IARS2: variants seen among roughly 807,000 people sequenced by gnomAD.
The protein encoded by IARS2 is isoleucyl-tRNA synthetase 2, mitochondrial, also known as isoleucine--tRNA ligase, mitochondrial.
IARS2 carries 56 observed loss-of-function variants against 126.3 expected under a neutral mutation model. That is an observed-to-expected ratio of 0.44 (90% CI 0.36 to 0.55). The LOEUF (loss-of-function observed/expected upper bound fraction) is 0.55. Ranked by LOEUF, IARS2 falls within the 20% of genes least tolerant of loss-of-function variation. The pLI, the probability that IARS2 is intolerant of heterozygous loss-of-function variation, is 0.00. For missense variants in IARS2, 1,127 were observed against 1,245.9 expected, an observed-to-expected ratio of 0.90 and a Z score of 1.44; for synonymous variants, 407 against 441.1, an observed-to-expected ratio of 0.92 and a Z score of 0.97.
intron 22 of IARS2, 23 bp from the exon 23 acceptor site, chr1:220,147,470 A>G (rs1571867957): frequency 1.2e-6 from 2 of 1,612,208 alleles, no homozygotes; most frequent in Non-Finnish European, 8.5e-7. Context: ...TATCAGAAAT[A>G]CTCTTCATGT....
intron 12 of IARS2, among the ~76,000 whole-genome samples, chr1:220,116,311 T>A (rs538550428): frequency 6.6e-6 from 1 of 152,254 alleles, no homozygotes; most frequent in East Asian, 1.9e-4. Flanking sequence ...GGCCCCTGTT[T>A]TTAATGAGAT....
At chr1:220,140,050 G>A (rs1657454371) in intron 18 of IARS2, 133 bp from the exon 19 acceptor site, 3 of 660,194 alleles carry the variant, frequency 4.5e-6, no homozygotes, top group Non-Finnish European at 8.1e-6. Context: ...ATTCCCAGGA[G>A]TTCTTGCATA....
At chr1:220,124,811 G>T (rs1445544568) in intron 12 of IARS2, among the ~76,000 whole-genome samples, 1 of 152,172 alleles carries the variant, frequency 6.6e-6, no homozygotes, top group East Asian at 1.9e-4. Context: ...AAGGGATGAG[G>T]GTAGGAGGAA....
At chr1:220,106,630 C>CTTTTTT (rs200435156) in intron 9 of IARS2, among the ~76,000 whole-genome samples, 2 of 138,268 alleles carry the variant, frequency 1.4e-5, no homozygotes, top group African/African-American at 2.6e-5. Flanking sequence ...CTTTTCTTTT[C>CTTTTTT]TTTTTTTTTT....
At chr1:220,141,677 T>C (rs1351041843) in intron 19 of IARS2, 126 bp from the exon 20 acceptor site, 2 of 930,522 alleles carry the variant, frequency 2.1e-6, no homozygotes, top group African/African-American at 3.3e-5. Flanking sequence ...TTGTATTCTT[T>C]AAGTAGAAGA....
chr1:220,122,793 C>T (rs971454786), intron 12 of IARS2, among the ~76,000 whole-genome samples: 2 of 151,918 alleles, frequency 1.3e-5, no homozygotes, highest in East Asian at 3.8e-4. Context: ...ACATTTCTAC[C>T]GTATTTGCTA....
intron 12 of IARS2, chr1:220,117,882 GC>G: frequency 1.9e-6 from 1 of 527,300 alleles, no homozygotes; most frequent in Non-Finnish European, 3.9e-6. Context: ...CAGAATATTG[GC>G]CTAAAGAAAT....
At chr1:220,096,706 A>G (rs539309695) in intron 2 of IARS2, among the ~76,000 whole-genome samples, 18 of 152,290 alleles carry the variant, frequency 1.2e-4, no homozygotes, top group African/African-American at 4.3e-4. Context: ...GGGCTTAGGC[A>G]TCTGTAGTTT....
chr1:220,128,769 T>C (rs1282074751), intron 14 of IARS2, among the ~76,000 whole-genome samples: 1 of 152,210 alleles, frequency 6.6e-6, no homozygotes, highest in Non-Finnish European at 1.5e-5. Flanking sequence ...CCATTGTTGC[T>C]TTTCAGTTTC....
rs1204253242 is a variant in IARS2 at position 220,139,109 on chromosome 1, G to C, written c.2277G>C (p.Met759Ile). The C allele has an allele frequency of 6.2e-7, 1 of 1,610,096 alleles. No homozygotes were observed. The highest frequency in any genetic ancestry group is 1.7e-5 in the Admixed American group (1 of 59,344). ...VNDMYVIDQY[M>I]LHLLQDLANK... ...ATATGTATGTCATAGACCAGTACAT[G>C]CTACACTTACTGCAGGATTTGGCAA... Residue 759 changes from methionine (M) to isoleucine (I), a missense_variant, in exon 18 of 23, where the codon ATG becomes ATC. Physicochemically the swap from Met to Ile is conservative, Grantham distance 10 (BLOSUM62 1). Transcript: ENST00000366922.
At chr1:220,132,714 T>A (rs1050705181) in intron 14 of IARS2, among the ~76,000 whole-genome samples, 1 of 151,478 alleles carries the variant, frequency 6.6e-6, no homozygotes, top group East Asian at 2.0e-4. Flanking sequence ...TTAGTAGAGA[T>A]GGGGTTTCAC....
intron 15 of IARS2, 125 bp downstream of exon 15, chr1:220,134,635 TA>T: frequency 2.0e-6 from 1 of 491,100 alleles, no homozygotes; most frequent in Non-Finnish European, 3.5e-6. Context: ...GAATTTGAAG[TA>T]AAAAAAGAGA....
chr1:220,125,174 A>G (rs1571856898), intron 12 of IARS2, 63 bp from the exon 13 acceptor site: 1 of 929,738 alleles, frequency 1.1e-6, no homozygotes, highest in Non-Finnish European at 1.6e-6. Context: ...TCTTAATTTT[A>G]AAATGTTTGT....
At chr1:220,134,361 A>T (rs1235004010) in intron 14 of IARS2, 41 bp from the exon 15 acceptor site, 2 of 1,361,398 alleles carry the variant, frequency 1.5e-6, no homozygotes, top group Non-Finnish European at 2.0e-6. Flanking sequence ...TAATTAACTT[A>T]AATTTCTGGG....
At chr1:220,101,968 G>A (rs958370280) in intron 3 of IARS2, among the ~76,000 whole-genome samples, 161 bp from the exon 4 acceptor site, 6 of 152,208 alleles carry the variant, frequency 3.9e-5, no homozygotes, top group African/African-American at 1.4e-4. Context: ...TGCCACTCGC[G>A]CCACTGCACT....
At chr1:220,128,503 A>G (rs923547875) in intron 14 of IARS2, among the ~76,000 whole-genome samples, 5 of 152,216 alleles carry the variant, frequency 3.3e-5, no homozygotes, top group Non-Finnish European at 5.9e-5. Flanking sequence ...AGTACACTCT[A>G]TGATGTTCAC....
chr1:220,115,884 G>A (rs1423133180), intron 12 of IARS2, among the ~76,000 whole-genome samples: 1 of 152,138 alleles, frequency 6.6e-6, no homozygotes, highest in Non-Finnish European at 1.5e-5. Flanking sequence ...TTGGTGTAAA[G>A]CACAGTATTC....
intron 15 of IARS2, 124 bp from the exon 16 acceptor site, chr1:220,136,685 A>G (rs1007756140): frequency 1.8e-4 from 90 of 512,270 alleles, no homozygotes; most frequent in African/African-American, 1.7e-3. Context: ...GGTTTTATTC[A>G]TAATCAGTCA....
At chr1:220,142,326 C>G (rs772567163) in intron 20 of IARS2, among the ~76,000 whole-genome samples, 10 of 152,098 alleles carry the variant, frequency 6.6e-5, no homozygotes, top group Non-Finnish European at 1.3e-4. Context: ...TGGCGAAACC[C>G]CATCTCTACT....
Sources: gnomAD v4.1 joint callset for allele counts (sites outside exome capture counted in the v4.1 genomes callset) on GRCh38, gnomAD v4.1.1 for gene constraint, MANE v1.5 for transcripts, NCBI Gene and HGNC (gene_info 2026-07-23, HGNC 2026-07-21) for gene names.